Variants in ZCCHC10 observed in about 807,000 individuals in gnomAD.
ZCCHC10 encodes the protein zinc finger CCHC-type containing 10, also known as zinc finger CCHC domain-containing protein 10.
A neutral mutation model predicts 19.5 loss-of-function variants in ZCCHC10; 16 were observed. The observed-to-expected ratio is 0.82, with a 90% CI of 0.56 to 1.25. The LOEUF is 1.25. ZCCHC10 is among the 50% of genes most tolerant of loss of function. ZCCHC10 has a pLI of 0.00. For synonymous variants in ZCCHC10, 67 were observed against 72.5 expected (o/e 0.92, Z 0.38); for missense variants, 197 against 201.0 (o/e 0.98, Z 0.12).
chr5:133,009,008 C>CTT (rs796192745), intron 2 of ZCCHC10, among the ~76,000 whole-genome samples: 4 of 142,476 alleles, frequency 2.8e-5, no homozygotes, highest in Non-Finnish European at 3.1e-5. Flanking sequence ...GGGAGATTCT[C>CTT]TTTTTTTTTT....
chr5:133,023,770 T>A (rs1334547849), intron 1 of ZCCHC10, among the ~76,000 whole-genome samples: 2 of 115,208 alleles, frequency 1.7e-5, no homozygotes, highest in Non-Finnish European at 3.5e-5. Flanking sequence ...AAACTCCATC[T>A]CAAAAAAAAA....
At position 132,998,628 on chromosome 5, in the gene ZCCHC10, A is replaced by G. The variant is rs1440184063; in HGVS notation, c.534T>C (p.Asp178=). The G allele has an allele frequency of 9.3e-6, 15 of 1,613,972 alleles. No homozygotes were observed. The highest frequency in any genetic ancestry group is 1.6e-4 in the Middle Eastern group (1 of 6,084). The change falls in exon 5 of 5, where the codon GAT becomes GAC. Residue 178 remains aspartate (D), a synonymous_variant. Coordinates refer to ENST00000509437, the MANE Select transcript of ZCCHC10 (RefSeq NM_001300816.3). ...SSSSSSSTST[D]SSSDDEPPKK... ...TTGGTGGTTCATCGTCAGAGCTGCT[A>G]TCTGTGCTGGTGCTACTGCTACTGG...
chr5:133,000,724 C>T (rs2126541213), intron 3 of ZCCHC10, among the ~76,000 whole-genome samples: 1 of 150,582 alleles, frequency 6.6e-6, no homozygotes, highest in African/African-American at 2.4e-5. Context: ...CTCACTGCAA[C>T]CTCCGCCTCC....
chr5:133,007,788 A>G (rs542575607), intron 2 of ZCCHC10, among the ~76,000 whole-genome samples: 1 of 152,332 alleles, frequency 6.6e-6, no homozygotes, highest in East Asian at 1.9e-4. Context: ...GGTTAAAAGC[A>G]TAGACCTTGA....
Position 133,022,876 on chromosome 5 carries a change from G to A in ZCCHC10, c.72C>T (p.Thr24=). The A allele has an allele frequency of 1.6e-6, 1 of 615,982 alleles. No individual in the cohort carries two copies. The highest frequency in any genetic ancestry group is 1.9e-5 in the South Asian group (1 of 52,724). The allele number at this position is 615,982 out of a possible 1,614,324, so 38.2% of individuals were successfully genotyped here. Residue 24 remains threonine, a synonymous_variant, in exon 2 of 5, where the codon ACC becomes ACT. Coordinates refer to ENST00000509437, the MANE Select transcript of ZCCHC10 (RefSeq NM_001300816.3). The part of the protein sequence containing the change: ...AFDTELQPVK[T]FWILIQPSIV... ...TGGATGGCTGAATCAGGATCCAAAA[G>A]GTCTTGACAGGCTGCAACTCTGTGT...
At chr5:133,013,564 A>G (rs569660961) in intron 2 of ZCCHC10, among the ~76,000 whole-genome samples, 141 of 151,550 alleles carry the variant, frequency 9.3e-4, no homozygotes, top group African/African-American at 3.3e-3. Flanking sequence ...TCTACTAAAA[A>G]TACAAAAATT....
chr5:133,018,484 C>T (rs1764076499), intron 2 of ZCCHC10, among the ~76,000 whole-genome samples: 1 of 152,028 alleles, frequency 6.6e-6, no homozygotes, highest in Non-Finnish European at 1.5e-5. Context: ...ACTGCAACCT[C>T]CGCCTCCCAG....
intron 2 of ZCCHC10, among the ~76,000 whole-genome samples, chr5:133,016,546 G>T (rs575053458): frequency 6.6e-6 from 1 of 151,878 alleles, no homozygotes; most frequent in African/African-American, 2.4e-5. Flanking sequence ...GGGTTCAATC[G>T]ATTCTCTTGC....
rs777534718 is a variant in ZCCHC10 at position 133,026,477 on chromosome 5, C to T, written c.41+20G>A. The T allele has an allele frequency of 5.3e-5, 86 of 1,612,888 alleles. No individual in the cohort carries two copies. The highest frequency in any genetic ancestry group is 1.6e-4 in the Middle Eastern group (1 of 6,082). On this transcript the variant is annotated intron_variant, in intron 1 of 4. Transcript: ENST00000509437. The stretch of plus-strand genomic sequence containing the variant: ...CCCGCTCCCAGCCCTCCAGTGGACC[C>T]GAACCGGATCCTTACTTACGCTTGT...
intron 3 of ZCCHC10, among the ~76,000 whole-genome samples, chr5:133,003,826 T>A (rs903865838): frequency 5.3e-5 from 8 of 152,186 alleles, no homozygotes; most frequent in African/African-American, 1.9e-4. Context: ...TCCTCCTGCC[T>A]CAGCTTCCCA....
intron 2 of ZCCHC10, among the ~76,000 whole-genome samples, chr5:133,016,188 T>C (rs1222638278): frequency 2.0e-5 from 3 of 152,156 alleles, no homozygotes; most frequent in East Asian, 1.9e-4. Context: ...CTGATAATGT[T>C]TGGAGCCAAC....
At chr5:133,002,167 T>C (rs1469981993) in intron 3 of ZCCHC10, among the ~76,000 whole-genome samples, 1 of 151,654 alleles carries the variant, frequency 6.6e-6, no homozygotes, top group Non-Finnish European at 1.5e-5. Flanking sequence ...TTCACCATGT[T>C]AGCCAGGATG....
rs1192258416 is a variant in ZCCHC10, at chr5:132,998,799, A to G, written c.363T>C (p.Ser121=). 6.2e-7 allele frequency: 1 copy of G among 1,614,234 alleles called. No homozygotes were observed. The highest frequency in any genetic ancestry group is 1.7e-5 in the Admixed American group (1 of 60,018). Residue 121 remains serine, a synonymous_variant, in exon 5 of 5, where the codon AGT becomes AGC. Coordinates refer to ENST00000509437, the MANE Select transcript of ZCCHC10 (RefSeq NM_001300816.3). The part of the protein sequence containing the change: ...SSSSSSDSSA[S]DSSSESEETS... ...TTTCTTCACTCTCTGATGAAGAATC[A>G]CTGGCAGAACTGTCACTGCTACTGC...
chr5:133,018,172 A>G (rs560147984), intron 2 of ZCCHC10, among the ~76,000 whole-genome samples: 1 of 151,650 alleles, frequency 6.6e-6, no homozygotes, highest in African/African-American at 2.4e-5. Flanking sequence ...AGACAAAATT[A>G]AACTCTAGTG....
intron 3 of ZCCHC10, among the ~76,000 whole-genome samples, chr5:133,002,112 C>T (rs928000625): frequency 3.3e-5 from 5 of 151,534 alleles, no homozygotes; most frequent in Non-Finnish European, 5.9e-5. Flanking sequence ...AGGTGCCCGC[C>T]ACTATGTCTG....
chr5:132,998,965 G>C (rs766983001), intron 4 of ZCCHC10, 115 bp from the exon 5 acceptor site: 3 of 1,374,642 alleles, frequency 2.2e-6, no homozygotes, highest in Non-Finnish European at 2.9e-6. Flanking sequence ...GCCCAGTGTG[G>C]AGTGCAGTGG....
At chr5:133,025,970 T>C (rs1485313185) in intron 1 of ZCCHC10, among the ~76,000 whole-genome samples, 1 of 152,222 alleles carries the variant, frequency 6.6e-6, no homozygotes, top group Admixed American at 6.5e-5. Context: ...AGGAACTAAA[T>C]AAATTAATAT....
chr5:133,003,011 C>G (rs369124516), intron 3 of ZCCHC10: 1 of 170,794 alleles, frequency 5.9e-6, no homozygotes, highest in African/African-American at 2.4e-5. Context: ...TGAGCCACCA[C>G]GCCCGGCCTT....
At chr5:133,013,405 G>A (rs890208987) in intron 2 of ZCCHC10, among the ~76,000 whole-genome samples, 4 of 151,926 alleles carry the variant, frequency 2.6e-5, no homozygotes, top group African/African-American at 9.7e-5. Context: ...ATAAAAACTA[G>A]TAATAGCAAA....
Sources: allele counts gnomAD v4.1 joint callset (sites outside exome capture counted in the v4.1 genomes callset), GRCh38; gene constraint gnomAD v4.1.1; transcripts MANE v1.5; gene names NCBI Gene and HGNC (gene_info 2026-07-23, HGNC 2026-07-21).